The following TTC28 variants were observed in gnomAD, a reference collection of about 807,000 sequenced individuals.
TTC28 encodes tetratricopeptide repeat protein 28.
A neutral mutation model predicts 198.0 loss-of-function variants in TTC28; 61 were observed. That is an observed-to-expected ratio of 0.31 (90% CI 0.25 to 0.38). The LOEUF is 0.38. TTC28 is among the 10% of genes least tolerant of loss of function. The pLI, the probability that TTC28 is intolerant of heterozygous loss-of-function variation, is 1.00. For synonymous variants in TTC28, 1,171 were observed against 1,297.8 expected, an observed-to-expected ratio of 0.90 and a Z score of 2.10; for missense variants, 2,678 against 3,164.0, an observed-to-expected ratio of 0.85 and a Z score of 3.69.
At chr22:28,475,793 C>G (rs533535393) in intron 2 of TTC28, among the ~76,000 whole-genome samples, 1 of 152,260 alleles carries the variant, frequency 6.6e-6, no homozygotes, top group South Asian at 2.1e-4. Context: ...TGGACCTACA[C>G]GCTGAAGTAT....
chr22:28,016,379 C>T (rs1007992725), intron 13 of TTC28, among the ~76,000 whole-genome samples: 9 of 152,226 alleles, frequency 5.9e-5, no homozygotes, highest in Admixed American at 3.9e-4. Context: ...GCATGACGCG[C>T]GGTGTCTGTC....
chr22:28,050,422 T>C (rs372301737), intron 12 of TTC28, among the ~76,000 whole-genome samples: 6 of 152,342 alleles, frequency 3.9e-5, no homozygotes, highest in African/African-American at 1.4e-4. Context: ...ACACAGGCTA[T>C]TATAACTGAA....
In TTC28 at chr22:28,596,273, A is replaced by T. The variant is rs936513011; in HGVS notation, c.381+33279T>A. On this transcript the variant is annotated intron_variant, in intron 2 of 22. Coordinates refer to ENST00000397906, the MANE Select transcript of TTC28 (RefSeq NM_001145418.2). ...TGCAAATATTAAAGGAATGGGGGGA[A>T]AAAAAGACTGGTTAGAGTGTAGTGG... 2.0e-5 allele frequency among the ~76,000 whole-genome samples: 3 copies of T among 152,158 alleles called. No homozygotes were observed. The East Asian group carries it at 5.8e-4, about 29-fold the overall frequency.
chr22:28,147,812 T>C (rs9625416), intron 6 of TTC28, among the ~76,000 whole-genome samples: 10,668 of 152,284 alleles, frequency 0.07, 432 homozygotes, highest in South Asian at 0.092. Context: ...ATTATTATTG[T>C]GACTTCTAAG....
At chr22:28,268,258 C>T (rs1931815528) in intron 5 of TTC28, among the ~76,000 whole-genome samples, 1 of 152,168 alleles carries the variant, frequency 6.6e-6, no homozygotes, top group African/African-American at 2.4e-5. Flanking sequence ...CTTTCCAAGG[C>T]TTCTAGAAAG....
chr22:28,267,688 T>C (rs1931776717), intron 5 of TTC28, among the ~76,000 whole-genome samples: 1 of 152,222 alleles, frequency 6.6e-6, no homozygotes, highest in African/African-American at 2.4e-5. Context: ...CTAGTACTAT[T>C]AATCCTATTA....
chr22:28,137,064 C>T (rs1027418285), intron 6 of TTC28, among the ~76,000 whole-genome samples: 1 of 152,198 alleles, frequency 6.6e-6, no homozygotes. Context: ...ATTCTCATGG[C>T]TGTTGCTGGC....
At chr22:27,990,092 C>T (rs140665331) in intron 20 of TTC28, 85 bp from the exon 21 acceptor site, 9 of 1,479,466 alleles carry the variant, frequency 6.1e-6, no homozygotes, top group Middle Eastern at 4.1e-4. Flanking sequence ...TCTTATGTCA[C>T]CTGTCACTGG....
intron 1 of TTC28, among the ~76,000 whole-genome samples, chr22:28,672,454 C>A (rs1210544333): frequency 1.3e-5 from 2 of 152,118 alleles, no homozygotes; most frequent in East Asian, 3.8e-4. Context: ...GCATGAGCCA[C>A]CGCGCCCGGC....
chr22:28,288,792 G>A (rs1401480289), intron 5 of TTC28, among the ~76,000 whole-genome samples: 3 of 144,278 alleles, frequency 2.1e-5, no homozygotes, highest in East Asian at 2.0e-4. Context: ...CAGCCTGGGC[G>A]ACAGAGCGAG....
At position 27,993,378 on chromosome 22, in the gene TTC28, T is replaced by A. The variant is rs1402989584; in HGVS notation, c.5385A>T (p.Pro1795=). 5 of 1,551,044 alleles carry A rather than the reference T, an allele frequency of 3.2e-6. No homozygotes were observed. In the East Asian group the frequency reaches 1.2e-4, roughly 38 times the overall value. ...LTAVGFRLDP[P]TSGLPAAVFF... is the part of the protein sequence containing the mutation. The stretch of plus-strand genomic sequence containing the variant: ...AGACAGCCGCTGGCAGGCCACTGGT[T>A]GGGGGGTCCAGCCGGAAGCCCACAG... The change falls in exon 18 of 23, where the codon CCA becomes CCT. Residue 1795 remains proline, a synonymous_variant. Transcript: ENST00000397906.
intron 2 of TTC28, among the ~76,000 whole-genome samples, chr22:28,496,750 A>G (rs549405419): frequency 6.6e-6 from 1 of 152,118 alleles, no homozygotes; most frequent in East Asian, 1.9e-4. Flanking sequence ...ACCCTAAGTC[A>G]GATAAAGTCA....
chr22:28,433,197 T>C (rs185024333), intron 2 of TTC28, among the ~76,000 whole-genome samples: 1 of 152,232 alleles, frequency 6.6e-6, no homozygotes, highest in Non-Finnish European at 1.5e-5. Flanking sequence ...AGAAAATGTA[T>C]CTGAAAGCAA....
chr22:28,084,842 G>T (rs1178767714), intron 12 of TTC28, among the ~76,000 whole-genome samples: 1 of 152,156 alleles, frequency 6.6e-6, no homozygotes. Flanking sequence ...GAAAACCATG[G>T]CATGAGAACT....
intron 2 of TTC28, among the ~76,000 whole-genome samples, chr22:28,610,998 TAA>T (rs576501865): frequency 2.5e-4 from 38 of 151,594 alleles, no homozygotes; most frequent in African/African-American, 8.2e-4. Flanking sequence ...CTTAATGAAA[TAA>T]AGTGAGAAGA....
At chr22:28,180,330 AT>A (rs1349313540) in intron 5 of TTC28, among the ~76,000 whole-genome samples, 1 of 152,208 alleles carries the variant, frequency 6.6e-6, no homozygotes, top group African/African-American at 2.4e-5. Flanking sequence ...AACCAAATAA[AT>A]TTTATAATCT....
At chr22:28,341,369 A>T (rs1317240311) in intron 2 of TTC28, among the ~76,000 whole-genome samples, 2 of 152,208 alleles carry the variant, frequency 1.3e-5, no homozygotes. Flanking sequence ...TATTATACAG[A>T]CATTTTTGGC....
At chr22:28,163,754 C>T (rs1921528798) in intron 5 of TTC28, among the ~76,000 whole-genome samples, 155 bp from the exon 6 acceptor site, 2 of 152,228 alleles carry the variant, frequency 1.3e-5, no homozygotes, top group East Asian at 3.8e-4. Flanking sequence ...CGGGTGATTT[C>T]TGCATTTCCA....
chr22:28,456,396 A>C (rs1376667843), intron 2 of TTC28, among the ~76,000 whole-genome samples: 1 of 152,142 alleles, frequency 6.6e-6, no homozygotes, highest in African/African-American at 2.4e-5. Context: ...GAATTAGATA[A>C]TGGTGATGGT....
Sources: gnomAD v4.1 joint callset for allele counts (sites outside exome capture counted in the v4.1 genomes callset) on GRCh38, gnomAD v4.1.1 for gene constraint, MANE v1.5 for transcripts, NCBI Gene and HGNC (gene_info 2026-07-23, HGNC 2026-07-21) for gene names.